Variants in KCNIP4 observed in about 807,000 individuals in gnomAD.
KCNIP4 encodes potassium voltage-gated channel interacting protein 4.
A neutral mutation model predicts 34.0 loss-of-function variants in KCNIP4; 12 were observed. That is an observed-to-expected ratio of 0.35 (90% CI 0.23 to 0.57). The LOEUF is 0.57. KCNIP4 is among the 20% of genes least tolerant of loss of function. KCNIP4 has a pLI of 0.83. For missense variants in KCNIP4, 238 were observed against 311.7 expected (o/e 0.76, Z 1.78); for synonymous variants, 124 against 102.2 (o/e 1.21, Z -1.29).
At position 20,991,510 on chromosome 4, in the gene KCNIP4, C is replaced by T. The variant is rs79842944; in HGVS notation, c.62-108801G>A. Among the ~76,000 whole-genome samples, 1,301 of 152,184 alleles carry T rather than the reference C, an allele frequency of 8.5e-3. 17 individuals are homozygous for T. Among genetic ancestry groups the T allele is most frequent in the African/African-American group, 0.03 (1,246 of 41,496 alleles). On this transcript the variant is annotated intron_variant, in intron 1 of 8. Transcript: ENST00000382152. ...CCAGGCACTGAGAAATCTGAGGATA[C>T]ATAGATGAATGGGGCCTGTGTTCTG...
At chr4:20,941,926 A>G (rs1731680707) in intron 1 of KCNIP4, among the ~76,000 whole-genome samples, 1 of 152,316 alleles carries the variant, frequency 6.6e-6, no homozygotes, top group East Asian at 1.9e-4. Flanking sequence ...GCAGATTTGA[A>G]AACAACACCA....
At chr4:21,295,540 C>G (rs1763788993) in intron 1 of KCNIP4, among the ~76,000 whole-genome samples, 1 of 152,166 alleles carries the variant, frequency 6.6e-6, no homozygotes, top group Non-Finnish European at 1.5e-5. Context: ...TTCAGCTACA[C>G]TAGCCTGCCT....
intron 1 of KCNIP4, among the ~76,000 whole-genome samples, chr4:21,276,563 A>G (rs1434186553): frequency 6.6e-6 from 1 of 152,088 alleles, no homozygotes. Flanking sequence ...AATAGTGCTG[A>G]CAAGTGCTTT....
intron 1 of KCNIP4, among the ~76,000 whole-genome samples, chr4:21,348,205 T>C (rs1717654854): frequency 1.3e-5 from 2 of 152,176 alleles, no homozygotes; most frequent in African/African-American, 4.8e-5. Flanking sequence ...TGTGCATGCA[T>C]TTCCAGATGC....
chr4:21,169,357 G>T (rs1177937105), intron 1 of KCNIP4, among the ~76,000 whole-genome samples: 1 of 152,004 alleles, frequency 6.6e-6, no homozygotes, highest in East Asian at 1.9e-4. Flanking sequence ...CTTCTATGAT[G>T]CCCAGGCTGG....
intron 1 of KCNIP4, among the ~76,000 whole-genome samples, chr4:21,031,762 C>T (rs945337696): frequency 2.6e-5 from 4 of 152,282 alleles, no homozygotes; most frequent in East Asian, 1.9e-4. Flanking sequence ...CATACAAATT[C>T]GAGTTATGTA....
intron 1 of KCNIP4, among the ~76,000 whole-genome samples, chr4:21,260,050 A>G (rs570177259): frequency 6.6e-6 from 1 of 152,286 alleles, no homozygotes; most frequent in African/African-American, 2.4e-5. Context: ...GCATTAAAAC[A>G]CAGGCTTCAG....
At chr4:21,883,998 A>G (rs1355272065) in intron 1 of KCNIP4, among the ~76,000 whole-genome samples, 1 of 152,138 alleles carries the variant, frequency 6.6e-6, no homozygotes, top group African/African-American at 2.4e-5. Flanking sequence ...GGAATATAGT[A>G]GCAGGAACTC....
chr4:21,344,666 G>A (rs1005687305), intron 1 of KCNIP4, among the ~76,000 whole-genome samples: 2 of 152,140 alleles, frequency 1.3e-5, no homozygotes, highest in African/African-American at 4.8e-5. Context: ...TTTCAAGTAC[G>A]TTATCTTATT....
intron 3 of KCNIP4, among the ~76,000 whole-genome samples, chr4:20,784,449 A>C (rs73802325): frequency 1.3e-5 from 2 of 152,168 alleles, no homozygotes; most frequent in Non-Finnish European, 2.9e-5. Context: ...ACTGGGAAAT[A>C]ATATTCTTTA....
intron 1 of KCNIP4, among the ~76,000 whole-genome samples, chr4:20,901,545 A>G (rs1727154309): frequency 6.6e-6 from 1 of 152,212 alleles, no homozygotes; most frequent in Non-Finnish European, 1.5e-5. Flanking sequence ...TTCATTATGA[A>G]TGAGGGATAA....
At chr4:20,845,286 G>A (rs1720227025) in intron 3 of KCNIP4, among the ~76,000 whole-genome samples, 1 of 152,144 alleles carries the variant, frequency 6.6e-6, no homozygotes, top group African/African-American at 2.4e-5. Flanking sequence ...GCTAGTACCT[G>A]TCTTAGCTGA....
chr4:21,592,827 T>C (rs1054478624), intron 1 of KCNIP4, among the ~76,000 whole-genome samples: 3 of 152,032 alleles, frequency 2.0e-5, no homozygotes, highest in African/African-American at 7.2e-5. Context: ...GACTAGCACA[T>C]AAAATATTTT....
intron 1 of KCNIP4, among the ~76,000 whole-genome samples, chr4:20,916,590 A>C (rs1228741504): frequency 6.6e-6 from 1 of 152,154 alleles, no homozygotes; most frequent in Non-Finnish European, 1.5e-5. Context: ...CACTCAAAAA[A>C]TCAGAAATAA....
At chr4:21,595,790 C>T (rs1197677359) in intron 1 of KCNIP4, among the ~76,000 whole-genome samples, 1 of 152,054 alleles carries the variant, frequency 6.6e-6, no homozygotes, top group Admixed American at 6.6e-5. Flanking sequence ...TTTGCACAAA[C>T]CTAAATAGTA....
At chr4:21,864,139 G>C (rs1185319796) in intron 1 of KCNIP4, among the ~76,000 whole-genome samples, 3 of 152,106 alleles carry the variant, frequency 2.0e-5, no homozygotes, top group Non-Finnish European at 4.4e-5. Context: ...ATAATCCAAA[G>C]ATGGGTTATA....
At chr4:20,753,552 G>T (rs1259312082) in intron 4 of KCNIP4, among the ~76,000 whole-genome samples, 1 of 152,172 alleles carries the variant, frequency 6.6e-6, no homozygotes, top group Non-Finnish European at 1.5e-5. Context: ...TTTGTAGAAT[G>T]AAATCAATCT....
chr4:21,068,344 C>T (rs1357457007), intron 1 of KCNIP4, among the ~76,000 whole-genome samples: 1 of 152,170 alleles, frequency 6.6e-6, no homozygotes, highest in Admixed American at 6.5e-5. Flanking sequence ...CTTTTGAACT[C>T]ATAAAGTTTA....
rs536553034 is a variant in KCNIP4, at chr4:21,431,808, C to T, written c.61+516763G>A. The stretch of plus-strand genomic sequence containing the variant: ...CACTGCCAGGACAGATTAGTGTCCA[C>T]GAACCCCATTTCTAATGAGAAACAC... On this transcript the variant is annotated intron_variant, in intron 1 of 8. Coordinates refer to ENST00000382152, the MANE Select transcript of KCNIP4 (RefSeq NM_025221.6). Among the ~76,000 whole-genome samples, 8 of 151,004 alleles carry T rather than the reference C, an allele frequency of 5.3e-5. No homozygotes were observed. In the South Asian group the frequency reaches 8.4e-4, roughly 16 times the overall value.
Sources: allele counts gnomAD v4.1 joint callset (sites outside exome capture counted in the v4.1 genomes callset), GRCh38; gene constraint gnomAD v4.1.1; transcripts MANE v1.5; gene names NCBI Gene and HGNC (gene_info 2026-07-23, HGNC 2026-07-21).